LRRC8D: variants seen among roughly 807,000 people sequenced by gnomAD.
The protein encoded by LRRC8D is leucine rich repeat containing 8 VRAC subunit D.
Under a neutral mutation model 55.8 loss-of-function variants are expected in LRRC8D, and 20 were observed. The ratio of observed to expected loss-of-function variants is 0.36; its 90% confidence interval spans 0.25 to 0.52. The LOEUF is 0.52. Ranked by LOEUF, LRRC8D falls within the 20% of genes least tolerant of loss-of-function variation. LRRC8D has a pLI of 0.93. For synonymous variants in LRRC8D, 352 were observed against 377.0 expected, an observed-to-expected ratio of 0.93 and a Z score of 0.77; for missense variants, 651 against 1,030.8, an observed-to-expected ratio of 0.63 and a Z score of 5.05.
Position 89,822,373 on chromosome 1 carries a change from G to T in LRRC8D, c.-148+1082G>T, listed in dbSNP as rs538011835. Among the ~76,000 whole-genome samples, 22 of 152,266 alleles carry T rather than the reference G, an allele frequency of 1.4e-4. 1 individual carries two copies. The highest frequency in any genetic ancestry group is 6.8e-3 in the Middle Eastern group (2 of 294). ...CTGGGGAGTCCTAGCGGAATGTGGG[G>T]CCCAGCTGGAGCCGCTTGGCTTATA... On this transcript the variant is annotated intron_variant, in intron 1 of 2. Coordinates refer to ENST00000337338, the MANE Select transcript of LRRC8D (RefSeq NM_001134479.2).
At chr1:89,842,104 T>G (rs781017363) in intron 1 of LRRC8D, among the ~76,000 whole-genome samples, 5 of 151,364 alleles carry the variant, frequency 3.3e-5, no homozygotes, top group Non-Finnish European at 2.9e-5. Flanking sequence ...TTTAAGCTTC[T>G]CGGGAGGCTG....
intron 2 of LRRC8D, among the ~76,000 whole-genome samples, chr1:89,928,005 A>G (rs1448791072): frequency 1.3e-5 from 2 of 152,258 alleles, no homozygotes; most frequent in Admixed American, 1.3e-4. Context: ...ACAAAGGTGA[A>G]TAAGACATAT....
intron 2 of LRRC8D, among the ~76,000 whole-genome samples, chr1:89,919,182 A>T (rs1417468043): frequency 6.6e-6 from 1 of 152,178 alleles, no homozygotes; most frequent in Non-Finnish European, 1.5e-5. Flanking sequence ...TAAGCTACCT[A>T]TCCAAGGATT....
intron 2 of LRRC8D, among the ~76,000 whole-genome samples, chr1:89,924,409 A>G (rs1557486279): frequency 6.6e-6 from 1 of 152,116 alleles, no homozygotes; most frequent in Non-Finnish European, 1.5e-5. Context: ...TAAAAAGTCA[A>G]AAAACACCAG....
chr1:89,857,608 A>G (rs1165403306), intron 2 of LRRC8D, among the ~76,000 whole-genome samples: 2 of 152,186 alleles, frequency 1.3e-5, no homozygotes, highest in South Asian at 2.1e-4. Flanking sequence ...CTCTGCTTCC[A>G]CCTTGAGATA....
intron 2 of LRRC8D, among the ~76,000 whole-genome samples, chr1:89,906,252 A>G (rs963215609): frequency 6.6e-6 from 1 of 152,192 alleles, no homozygotes; most frequent in Non-Finnish European, 1.5e-5. Context: ...AGAACAAGAC[A>G]TCTGGTACTG....
chr1:89,888,214 C>G (rs1324140646), intron 2 of LRRC8D, among the ~76,000 whole-genome samples: 1 of 152,172 alleles, frequency 6.6e-6, no homozygotes, highest in Non-Finnish European at 1.5e-5. Context: ...AACTTAGGAA[C>G]TATATGCAAG....
At chr1:89,922,311 T>C (rs556854543) in intron 2 of LRRC8D, among the ~76,000 whole-genome samples, 1 of 151,942 alleles carries the variant, frequency 6.6e-6, no homozygotes, top group East Asian at 1.9e-4. Context: ...GTGATCCACC[T>C]GCCTTGGCCT....
chr1:89,856,556 ATGT>A (rs1421879739), intron 2 of LRRC8D, among the ~76,000 whole-genome samples: 1 of 152,194 alleles, frequency 6.6e-6, no homozygotes, highest in Admixed American at 6.5e-5. Flanking sequence ...TATTCCTCAA[ATGT>A]TGTAAAATAG....
At chr1:89,880,923 A>T (rs544721813) in intron 2 of LRRC8D, among the ~76,000 whole-genome samples, 57 of 152,182 alleles carry the variant, frequency 3.7e-4, no homozygotes, top group Non-Finnish European at 7.4e-4. Context: ...TACATAATAC[A>T]TGTCACTAGC....
rs578170018 is a variant in LRRC8D, at chr1:89,911,784, C to T, written c.-2-21283C>T. Among the ~76,000 whole-genome samples, 8 of 152,324 alleles carry T rather than the reference C, an allele frequency of 5.3e-5. No homozygotes were observed. In the South Asian group the frequency reaches 6.2e-4, roughly 12 times the overall value. Reference sequence around the variant, plus strand: ...TCCAGCGGTCACTTTTGCCCCTTAACGTGCGTGACTTGCTTTTGACACCTG... The same window carrying T: ...TCCAGCGGTCACTTTTGCCCCTTAATGTGCGTGACTTGCTTTTGACACCTG... On this transcript the variant is annotated intron_variant, in intron 2 of 2. Coordinates refer to ENST00000337338, the MANE Select transcript of LRRC8D (RefSeq NM_001134479.2). This position sits in a 1 kb window ranked among gnomAD's most constrained non-coding sequence, Gnocchi z 4.0.
chr1:89,878,288 C>G (rs992710523), intron 2 of LRRC8D, among the ~76,000 whole-genome samples: 1 of 152,178 alleles, frequency 6.6e-6, no homozygotes, highest in Non-Finnish European at 1.5e-5. Flanking sequence ...ATCCAAGGCT[C>G]GAACAGCAGA....
intron 1 of LRRC8D, among the ~76,000 whole-genome samples, chr1:89,826,540 C>T (rs1304121063): frequency 6.6e-6 from 1 of 152,200 alleles, no homozygotes; most frequent in Admixed American, 6.5e-5. Context: ...GCATGAGCCA[C>T]CGCGCCTGGC....
In LRRC8D at chr1:89,860,405, A is replaced by G. The variant is rs1223404329; in HGVS notation, c.-3+16623A>G. Among the ~76,000 whole-genome samples the G allele has an allele frequency of 2.6e-5, 4 of 152,104 alleles. No individual in the cohort carries two copies. The East Asian group carries it at 7.7e-4, about 29-fold the overall frequency. On this transcript the variant is annotated intron_variant, in intron 2 of 2. Transcript: ENST00000337338. ...ACTAACCAAAGACAGGCCCACCTTC[A>G]TCTTTCTCCTTAGTAAGTTTATTGA...
chr1:89,843,828 G>GC (rs1412170193), intron 2 of LRRC8D, 46 bp downstream of exon 2: 7 of 620,746 alleles, frequency 1.1e-5, no homozygotes, highest in African/African-American at 1.1e-4. Context: ...CGGGAAGTCT[G>GC]CGGCACGGAG....
At chr1:89,826,214 G>A (rs1332321184) in intron 1 of LRRC8D, among the ~76,000 whole-genome samples, 1 of 151,914 alleles carries the variant, frequency 6.6e-6, no homozygotes, top group Non-Finnish European at 1.5e-5. Context: ...TGAATAGAAA[G>A]AATATTATAG....
chr1:89,936,245 T>C lies in LRRC8D; in HGVS notation c.*600T>C, dbSNP rs1016314691. The C allele has an allele frequency of 2.4e-5, 4 of 167,160 alleles. No homozygotes were observed. The highest frequency in any genetic ancestry group is 9.6e-5 in the African/African-American group (4 of 41,476). 10.4% of individuals were successfully genotyped at this position (167,160 alleles called of 1,614,324 possible). A position where few individuals can be genotyped will look rare whatever the true frequency, so the allele number is the denominator to read the frequency against. On this transcript the variant is annotated 3_prime_UTR_variant, in exon 3 of 3. Transcript: ENST00000337338. ...ATACTCTTACAGACTTGGAATGCAG[T>C]AGAGGTATGTGGATTTTTAGGGGTT...
intron 2 of LRRC8D, among the ~76,000 whole-genome samples, chr1:89,878,755 T>G (rs191477105): frequency 0.011 from 1,722 of 151,994 alleles, 38 homozygotes; most frequent in African/African-American, 0.04. Context: ...CACCTGAGGT[T>G]AGGAGTTCGA....
chr1:89,848,608 A>G (rs1054241330), intron 2 of LRRC8D, among the ~76,000 whole-genome samples: 1 of 152,122 alleles, frequency 6.6e-6, no homozygotes, highest in Non-Finnish European at 1.5e-5. Context: ...ATTGAACACC[A>G]TATTTTTCAG....
Sources: allele counts gnomAD v4.1 joint callset (sites outside exome capture counted in the v4.1 genomes callset), GRCh38; gene constraint gnomAD v4.1.1; non-coding constraint Gnocchi (gnomAD v3.1); transcripts MANE v1.5; gene names NCBI Gene and HGNC (gene_info 2026-07-23, HGNC 2026-07-21).